Variants in PDE4D observed in about 807,000 individuals in gnomAD.
PDE4D encodes phosphodiesterase 4D, also known as 3',5'-cyclic-AMP phosphodiesterase 4D.
PDE4D carries 24 observed loss-of-function variants against 87.4 expected under a neutral mutation model. The ratio of observed to expected loss-of-function variants is 0.27; its 90% CI spans 0.20 to 0.39. The LOEUF is 0.39. PDE4D is among the 10% of genes least tolerant of loss of function. PDE4D has a pLI of 1.00. For missense variants in PDE4D, 714 were observed against 1,041.0 expected (o/e 0.69, Z 4.32); for synonymous variants, 384 against 383.2 (o/e 1.00, Z -0.02).
chr5:59,293,931 C>T (rs1202238271), intron 1 of PDE4D, among the ~76,000 whole-genome samples: 2 of 152,114 alleles, frequency 1.3e-5, no homozygotes, highest in African/African-American at 4.8e-5. Context: ...AAGGTCACCA[C>T]GACCACGCTC....
chr5:59,787,183 A>G (rs1765266903), intron 1 of PDE4D, among the ~76,000 whole-genome samples: 1 of 152,150 alleles, frequency 6.6e-6, no homozygotes, highest in African/African-American at 2.4e-5. Flanking sequence ...CCTCTATTTC[A>G]TGGTAGATAA....
chr5:59,649,907 T>G (rs1463028809), intron 1 of PDE4D, among the ~76,000 whole-genome samples: 37 of 94,352 alleles, frequency 3.9e-4, no homozygotes, highest in African/African-American at 1.7e-3. Flanking sequence ...TTGTGAACCT[T>G]TTTTTTTTTT....
In PDE4D at chr5:59,071,843, C is replaced by T. The variant is rs183932086; in HGVS notation, c.809-32872G>A. On this transcript the variant is annotated intron_variant, in intron 5 of 14. Transcript: ENST00000340635. ...CTGGGATTACAGTTGCCTACTACCA[C>T]GCCCAGCTAATTTTTTTATATTTTT... 2.1e-3 allele frequency among the ~76,000 whole-genome samples: 312 copies of T among 151,864 alleles called. 2 individuals carry two copies. The Middle Eastern group carries it at 0.037, about 18-fold the overall frequency.
At chr5:60,304,670 A>C (rs1408697695) in intron 1 of PDE4D, among the ~76,000 whole-genome samples, 1 of 150,342 alleles carries the variant, frequency 6.7e-6, no homozygotes, top group Non-Finnish European at 1.5e-5. Flanking sequence ...AAAAAAAAAA[A>C]AAAAGAAATG....
At chr5:59,914,866 G>GGTGTGTGTGT (rs3062699) in intron 3 of PDE4D, among the ~76,000 whole-genome samples, 3,232 of 122,390 alleles carry the variant, frequency 0.026, 90 homozygotes, top group Non-Finnish European at 0.035. Context: ...TACTGATAGG[G>GGTGTGTGTGT]GTGTGTGTGT....
chr5:59,489,854 T>C (rs905238081), intron 1 of PDE4D, among the ~76,000 whole-genome samples: 1 of 152,176 alleles, frequency 6.6e-6, no homozygotes, highest in Admixed American at 6.5e-5. Context: ...AACCTACCAG[T>C]TTTCTATAGA....
intron 1 of PDE4D, among the ~76,000 whole-genome samples, chr5:60,286,953 A>T (rs1356451271): frequency 6.6e-6 from 1 of 152,242 alleles, no homozygotes. Context: ...AACATCAAGT[A>T]TGAAAGGTAT....
chr5:59,066,014 C>T (rs1298484957), intron 5 of PDE4D, among the ~76,000 whole-genome samples: 3 of 151,974 alleles, frequency 2.0e-5, no homozygotes, highest in African/African-American at 7.2e-5. Flanking sequence ...CAAAGATGTC[C>T]CAATTTTTCC....
At chr5:59,427,769 A>G (rs1299372797) in intron 1 of PDE4D, among the ~76,000 whole-genome samples, 1 of 150,184 alleles carries the variant, frequency 6.7e-6, no homozygotes, top group African/African-American at 2.5e-5. Flanking sequence ...GCCCTGATCT[A>G]TGATTGCTAC....
chr5:59,380,969 T>A (rs1177874300), intron 1 of PDE4D, among the ~76,000 whole-genome samples: 1 of 152,124 alleles, frequency 6.6e-6, no homozygotes, highest in Non-Finnish European at 1.5e-5. Flanking sequence ...AACAGCAGAG[T>A]TGAGTAGTTA....
At chr5:59,069,068 C>T (rs1412881934) in intron 5 of PDE4D, among the ~76,000 whole-genome samples, 1 of 152,168 alleles carries the variant, frequency 6.6e-6, no homozygotes, top group Non-Finnish European at 1.5e-5. Context: ...AAAATGGTTT[C>T]TTAAAGGAAT....
intron 2 of PDE4D, among the ~76,000 whole-genome samples, chr5:60,117,054 A>G (rs1582741619): frequency 6.6e-6 from 1 of 152,090 alleles, no homozygotes; most frequent in East Asian, 1.9e-4. Context: ...TCTAAAAAAA[A>G]AAATATTTCC....
At chr5:59,569,432 CA>C (rs1821457015) in intron 1 of PDE4D, among the ~76,000 whole-genome samples, 1 of 152,026 alleles carries the variant, frequency 6.6e-6, no homozygotes, top group African/African-American at 2.4e-5. Context: ...AACCACAAGG[CA>C]AAAAGTACGA....
At chr5:60,267,382 A>G (rs1271576297) in intron 1 of PDE4D, among the ~76,000 whole-genome samples, 1 of 152,208 alleles carries the variant, frequency 6.6e-6, no homozygotes, top group East Asian at 1.9e-4. Flanking sequence ...AATATTTGAA[A>G]CACATACACA....
At chr5:59,283,919 C>T (rs1055592241) in intron 1 of PDE4D, among the ~76,000 whole-genome samples, 2 of 152,138 alleles carry the variant, frequency 1.3e-5, no homozygotes, top group African/African-American at 2.4e-5. Flanking sequence ...GATTTGGACT[C>T]TGTAAGCTTT....
intron 1 of PDE4D, among the ~76,000 whole-genome samples, chr5:59,534,098 A>AT (rs1175925750): frequency 6.6e-6 from 1 of 152,208 alleles, no homozygotes; most frequent in East Asian, 1.9e-4. Context: ...TAAACATTGT[A>AT]TATATTAAGA....
At chr5:59,273,908 C>T (rs535122317) in intron 1 of PDE4D, among the ~76,000 whole-genome samples, 1 of 152,074 alleles carries the variant, frequency 6.6e-6, no homozygotes, top group East Asian at 1.9e-4. Flanking sequence ...CCAATTGAAA[C>T]CTGAATTTGA....
intron 3 of PDE4D, among the ~76,000 whole-genome samples, chr5:59,910,550 G>A (rs1193157879): frequency 1.3e-5 from 2 of 152,180 alleles, no homozygotes; most frequent in Non-Finnish European, 2.9e-5. Flanking sequence ...TGGTCTAAAT[G>A]TTGTATGAAA....
intron 1 of PDE4D, among the ~76,000 whole-genome samples, chr5:60,387,997 C>G (rs911936067): frequency 6.6e-6 from 1 of 152,150 alleles, no homozygotes; most frequent in African/African-American, 2.4e-5. Flanking sequence ...TTGGAAGCAG[C>G]TCACAGAACT....
Sources: allele counts gnomAD v4.1 joint callset (sites outside exome capture counted in the v4.1 genomes callset), GRCh38; gene constraint gnomAD v4.1.1; transcripts MANE v1.5; gene names NCBI Gene and HGNC (gene_info 2026-07-23, HGNC 2026-07-21).